Variants in CAMK2A observed in about 807,000 individuals in gnomAD.
The protein encoded by CAMK2A is calcium/calmodulin dependent protein kinase II alpha.
CAMK2A carries 7 observed loss-of-function variants against 79.2 expected under a neutral mutation model. That is an observed-to-expected ratio of 0.09 (90% CI 0.05 to 0.17). CAMK2A has a LOEUF of 0.17. Among genes scored for constraint, CAMK2A ranks in the 10% least tolerant of loss-of-function variants. CAMK2A has a pLI of 1.00. For missense variants in CAMK2A, 214 were observed against 646.4 expected (o/e 0.33, Z 7.25); for synonymous variants, 242 against 251.7 (o/e 0.96, Z 0.36).
At chr5:150,238,651 G>A (rs1337682581) in intron 15 of CAMK2A, 49 bp downstream of exon 15, 5 of 1,536,866 alleles carry the variant, frequency 3.3e-6, no homozygotes, top group Non-Finnish European at 4.4e-6. Context: ...TCTGCTCAGA[G>A]CTGGTTCCAG....
At chr5:150,226,754 G>A (rs1339703594) in intron 17 of CAMK2A, among the ~76,000 whole-genome samples, 1 of 137,838 alleles carries the variant, frequency 7.3e-6, no homozygotes, top group Non-Finnish European at 1.6e-5. Flanking sequence ...AGGGGGGGGG[G>A]GGATTTTCCT....
At chr5:150,282,848 A>G (rs1757271787) in intron 1 of CAMK2A, among the ~76,000 whole-genome samples, 1 of 152,244 alleles carries the variant, frequency 6.6e-6, no homozygotes, top group Non-Finnish European at 1.5e-5. Context: ...GGGAATTTGC[A>G]CATCTCTGCT....
At chr5:150,255,793 CA>C (rs1455347710) in intron 6 of CAMK2A, among the ~76,000 whole-genome samples, 1 of 152,198 alleles carries the variant, frequency 6.6e-6, no homozygotes, top group Non-Finnish European at 1.5e-5. Flanking sequence ...GTCACAGGAT[CA>C]GGGGTTAGAA....
rs558256800 is a variant in CAMK2A at position 150,223,973 on chromosome 5, C to A, written c.1238-756G>T. Among the ~76,000 whole-genome samples the A allele has an allele frequency of 3.3e-5, 5 of 152,092 alleles. No homozygotes were observed. The South Asian group carries it at 1.0e-3, about 32-fold the overall frequency. On this transcript the variant is annotated intron_variant, in intron 17 of 18. Coordinates refer to ENST00000671881, the MANE Select transcript of CAMK2A (RefSeq NM_015981.4). This position sits in a 1 kb window ranked among gnomAD's most constrained non-coding sequence, Gnocchi z 4.1. Reference sequence around the variant, plus strand: ...CTGTAGATATACAGAATTGTGGAAACGTGGAGGAATATGAAAATTGTAGAA... The same window carrying A: ...CTGTAGATATACAGAATTGTGGAAAAGTGGAGGAATATGAAAATTGTAGAA...
chr5:150,285,755 T>C (rs940660129), intron 1 of CAMK2A, among the ~76,000 whole-genome samples: 8 of 152,284 alleles, frequency 5.3e-5, no homozygotes, highest in African/African-American at 1.7e-4. Flanking sequence ...GCTCTCTCTC[T>C]AGTCTCTCTT....
intron 2 of CAMK2A, among the ~76,000 whole-genome samples, chr5:150,269,693 C>T (rs76395056): frequency 0.021 from 3,261 of 152,056 alleles, 57 homozygotes; most frequent in Non-Finnish European, 0.034. Context: ...GCAGGCGGCC[C>T]GAAATTCCAG....
At position 150,220,035 on chromosome 5, in the gene CAMK2A, C is replaced by A. The variant is rs1365595548; in HGVS notation, c.*2675G>T. On this transcript the variant is annotated 3_prime_UTR_variant, in exon 19 of 19. Coordinates refer to ENST00000671881, the MANE Select transcript of CAMK2A (RefSeq NM_015981.4). The stretch of plus-strand genomic sequence containing the variant: ...GTGGTGGCACCAGGTGGCTGCCCAC[C>A]CACAGGCGTGGCCTTCACAGTGGGG... 1.3e-5 allele frequency: 2 copies of A among 152,686 alleles called. No homozygotes were observed. Among genetic ancestry groups the A allele is most frequent in the African/African-American group, 4.8e-5 (2 of 41,434 alleles). 9.5% of individuals were successfully genotyped at this position (152,686 alleles called of 1,614,324 possible).
At position 150,284,644 on chromosome 5, in the gene CAMK2A, C is replaced by T. The variant is rs1167842854; in HGVS notation, c.62+4920G>A. ...GGCTTGGAGGAGAGGGAGGAAAGCT[C>T]GTCCCTTCCCTGTTCCTGCCACCCT... On this transcript the variant is annotated intron_variant, in intron 1 of 18. Transcript: ENST00000671881. The surrounding 1 kb of genome is among the most constrained non-coding windows in gnomAD (Gnocchi z 5.3). Among the ~76,000 whole-genome samples, 1 of 152,156 alleles carries T rather than the reference C, an allele frequency of 6.6e-6. No homozygotes were observed. Among genetic ancestry groups the T allele is most frequent in the Non-Finnish European group, 1.5e-5 (1 of 67,998 alleles).
intron 6 of CAMK2A, among the ~76,000 whole-genome samples, chr5:150,253,865 G>A (rs11955241): frequency 1.4e-5 from 2 of 147,356 alleles, no homozygotes; most frequent in African/African-American, 5.4e-5. Context: ...TAAAGCAGCA[G>A]CAGCAGCAGC....
intron 13 of CAMK2A, among the ~76,000 whole-genome samples, chr5:150,244,310 T>G (rs571427710): frequency 4.6e-5 from 7 of 152,156 alleles, no homozygotes; most frequent in Non-Finnish European, 8.8e-5. Context: ...CATAAATGCC[T>G]CCTTAGACAA....
intron 13 of CAMK2A, among the ~76,000 whole-genome samples, chr5:150,244,905 C>T (rs1755495702): frequency 1.3e-5 from 2 of 152,116 alleles, no homozygotes; most frequent in Non-Finnish European, 2.9e-5. Context: ...CTTGCGCCTG[C>T]CCCCACCCCA....
chr5:150,241,532 T>C (rs2114046065), intron 13 of CAMK2A, among the ~76,000 whole-genome samples: 1 of 122,914 alleles, frequency 8.1e-6, no homozygotes, highest in South Asian at 3.0e-4. Flanking sequence ...TTTCTTCCAC[T>C]CTTCTTTCCC....
chr5:150,250,316 G>A lies in CAMK2A; in HGVS notation c.817-7C>T, dbSNP rs1416307674. The A allele has an allele frequency of 1.2e-6, 2 of 1,612,852 alleles. No homozygotes were observed. The highest frequency in any genetic ancestry group is 1.1e-5 in the South Asian group (1 of 91,050). On this transcript the variant is annotated splice_region_variant and splice_polypyrimidine_tract_variant and intron_variant, in intron 10 of 18. Transcript: ENST00000671881. The stretch of plus-strand genomic sequence containing the variant: ...ATGCCACGGTGGAGCGGTGCTGGAG[G>A]AAGTAGGGGAGAGGGCTGTGAGTGG...
intron 3 of CAMK2A, among the ~76,000 whole-genome samples, chr5:150,262,474 C>T (rs1756340230): frequency 6.6e-6 from 1 of 152,166 alleles, no homozygotes. Context: ...TCTTCCTGTG[C>T]TGGATGCTCA....
intron 15 of CAMK2A, among the ~76,000 whole-genome samples, chr5:150,235,473 ACT>A (rs1455991809): frequency 1.3e-5 from 2 of 152,156 alleles, no homozygotes; most frequent in Non-Finnish European, 1.5e-5. Context: ...AGGTTAAGAC[ACT>A]CTCTCAAGAT....
At chr5:150,250,839 C>T in intron 9 of CAMK2A, 29 bp from the exon 10 acceptor site, 1 of 1,608,580 alleles carries the variant, frequency 6.2e-7, no homozygotes, top group Non-Finnish European at 8.5e-7. Flanking sequence ...CCAGGTTTGC[C>T]CAGCCTGCCC....
intron 2 of CAMK2A, among the ~76,000 whole-genome samples, chr5:150,265,707 C>T (rs1045826194): frequency 3.3e-5 from 5 of 152,070 alleles, no homozygotes; most frequent in Non-Finnish European, 7.4e-5. Flanking sequence ...ATTGAGAGGC[C>T]GAGGCAAGTG....
chr5:150,222,942 T>A, intron 18 of CAMK2A, 47 bp downstream of exon 18: 1 of 1,563,494 alleles, frequency 6.4e-7, no homozygotes, highest in Non-Finnish European at 8.8e-7. Flanking sequence ...AGGGCAACAC[T>A]CCCATCCTTT....
Position 150,284,344 on chromosome 5 carries a change from C to T in CAMK2A, c.62+5220G>A, listed in dbSNP as rs539468542. Among the ~76,000 whole-genome samples, 5 of 152,170 alleles carry T rather than the reference C, an allele frequency of 3.3e-5. No individual in the cohort carries two copies. Among genetic ancestry groups the T allele is most frequent in the Admixed American group, 1.3e-4 (2 of 15,284 alleles). On this transcript the variant is annotated intron_variant, in intron 1 of 18. Transcript: ENST00000671881. This position sits in a 1 kb window ranked among gnomAD's most constrained non-coding sequence, Gnocchi z 5.3. ...TGTGCTCCCGTGAGCTGTGTGAAGA[C>T]GCATGTGTGTGTGTGAGCACGCATG...
Sources: allele counts gnomAD v4.1 joint callset (sites outside exome capture counted in the v4.1 genomes callset), GRCh38; gene constraint gnomAD v4.1.1; non-coding constraint Gnocchi (gnomAD v3.1); transcripts MANE v1.5; gene names NCBI Gene and HGNC (gene_info 2026-07-23, HGNC 2026-07-21).